RLN2: variants seen among roughly 807,000 people sequenced by gnomAD.
RLN2 encodes relaxin 2, also known as prorelaxin H2.
A neutral mutation model predicts 7.3 loss-of-function variants in RLN2; 10 were observed. The ratio of observed to expected loss-of-function variants is 1.36; its 90% CI spans 0.84 to 2.31. The LOEUF (loss-of-function observed/expected upper bound fraction) is 2.31. RLN2 is among the 30% of genes most tolerant of loss of function. The pLI is 0.00. For missense variants in RLN2, 298 were observed against 217.6 expected (o/e 1.37, Z -2.32); for synonymous variants, 103 against 82.3 (o/e 1.25, Z -1.36).
the RLN2 span, among the ~76,000 whole-genome samples, chr9:5,324,161 G>C: frequency 3.9e-5 from 6 of 152,082 alleles, no homozygotes; most frequent in African/African-American, 1.4e-4. Context: ...GGGTAGATTA[G>C]CAGTTACTAA....
At position 5,300,252 on chromosome 9, in the gene RLN2, T is replaced by C. The variant is rs1376879848; in HGVS notation, c.404A>G (p.Asn135Ser). Residue 135 changes from asparagine (N) to serine (S), a missense_variant, in exon 2 of 2, where the codon AAT becomes AGT. By Grantham distance (46) the Asn-to-Ser change is conservative. Transcript: ENST00000381627. ...LFEEFKKLIRNRQSEAADSSP... is the reference protein window; with the variant it reads ...LFEEFKKLIRSRQSEAADSSP... Reference sequence around the variant, plus strand: ...GCTGTCTGCGGCTTCACTTTGTCTATTGCGAATAAGTTTCTTAAATTCTTC... The same window carrying C: ...GCTGTCTGCGGCTTCACTTTGTCTACTGCGAATAAGTTTCTTAAATTCTTC... 1.5e-5 allele frequency: 24 copies of C among 1,613,928 alleles called. No homozygotes were observed. Among genetic ancestry groups the C allele is most frequent in the South Asian group, 2.2e-5 (2 of 91,076 alleles).
the RLN2 span, among the ~76,000 whole-genome samples, chr9:5,310,378 T>C: frequency 6.6e-6 from 1 of 151,966 alleles, no homozygotes; most frequent in Admixed American, 6.6e-5. Context: ...TTCCTCCCTG[T>C]ACCTCTCCCC....
chr9:5,321,910 T>C, the RLN2 span, among the ~76,000 whole-genome samples: 3 of 152,186 alleles, frequency 2.0e-5, no homozygotes, highest in Admixed American at 2.0e-4. Flanking sequence ...TCTCTATCTC[T>C]AGCTTTGAGG....
At chr9:5,317,661 T>C in the RLN2 span, among the ~76,000 whole-genome samples, 1 of 151,776 alleles carries the variant, frequency 6.6e-6, no homozygotes, top group Admixed American at 6.6e-5. Flanking sequence ...ATACAAACAA[T>C]GGTTCTAACA....
the RLN2 span, among the ~76,000 whole-genome samples, chr9:5,321,787 C>G: frequency 1.3e-5 from 2 of 151,920 alleles, no homozygotes; most frequent in Non-Finnish European, 2.9e-5. Context: ...AGCAGCTGTC[C>G]CAGGTGCTGC....
At chr9:5,301,136 C>G (rs1238802662) in intron 1 of RLN2, among the ~76,000 whole-genome samples, 3 of 152,210 alleles carry the variant, frequency 2.0e-5, no homozygotes, top group Non-Finnish European at 2.9e-5. Flanking sequence ...AGATTTGTAT[C>G]TGCTGTGGAG....
chr9:5,336,561 T>G, the RLN2 span, among the ~76,000 whole-genome samples: 1 of 152,090 alleles, frequency 6.6e-6, no homozygotes, highest in African/African-American at 2.4e-5. Flanking sequence ...TTAAAAGATA[T>G]AAATTTTTAA....
the RLN2 span, among the ~76,000 whole-genome samples, chr9:5,321,886 G>C: frequency 6.6e-5 from 10 of 152,212 alleles, no homozygotes; most frequent in Non-Finnish European, 1.2e-4. Context: ...TGGAGTTTGT[G>C]AGCTTGCTCC....
chr9:5,325,489 G>C, the RLN2 span, among the ~76,000 whole-genome samples: 34 of 152,022 alleles, frequency 2.2e-4, no homozygotes, highest in Non-Finnish European at 2.9e-4. Flanking sequence ...TAAAGCAATA[G>C]AGAGAACTCG....
chr9:5,326,537 G>C, the RLN2 span, among the ~76,000 whole-genome samples: 1 of 152,032 alleles, frequency 6.6e-6, no homozygotes, highest in Non-Finnish European at 1.5e-5. Flanking sequence ...GCAGTGTGGA[G>C]GGTCAGACTC....
At chr9:5,337,781 A>T in the RLN2 span, among the ~76,000 whole-genome samples, 1 of 152,048 alleles carries the variant, frequency 6.6e-6, no homozygotes, top group Admixed American at 6.6e-5. Context: ...AAAATTCTTT[A>T]AAAATACTTT....
upstream of RLN2, among the ~76,000 whole-genome samples, chr9:5,307,265 G>A (rs1472078669): frequency 1.0e-5 from 1 of 96,278 alleles, no homozygotes; most frequent in East Asian, 2.8e-4. Context: ...TAGATAGATA[G>A]ATAGAGGATA....
the RLN2 span, among the ~76,000 whole-genome samples, chr9:5,316,159 CAT>C: frequency 1.3e-5 from 2 of 151,832 alleles, no homozygotes; most frequent in Non-Finnish European, 2.9e-5. Context: ...TTAAGAAGCA[CAT>C]AATTTTTGAG....
upstream of RLN2, among the ~76,000 whole-genome samples, chr9:5,308,824 G>C (rs1015732842): frequency 1.3e-5 from 2 of 152,084 alleles, no homozygotes; most frequent in African/African-American, 4.8e-5. Context: ...TGAATAGCAA[G>C]TTTCAGCTCT....
chr9:5,335,477 T>C, the RLN2 span: 1 of 1,613,466 alleles, frequency 6.2e-7, no homozygotes, highest in Non-Finnish European at 8.5e-7. Flanking sequence ...CTGCTGTAGC[T>C]CTGGTAATGA....
At chr9:5,306,103 T>G (rs3758237), upstream of RLN2, among the ~76,000 whole-genome samples, 22,999 of 124,628 alleles carry the variant, frequency 0.18, 1,870 homozygotes, top group African/African-American at 0.27. Flanking sequence ...TTTGTTTTTG[T>G]TTTTTGTTTT....
At chr9:5,302,502 G>GATTCCTACCTA (rs1403274742) in intron 1 of RLN2, among the ~76,000 whole-genome samples, 1 of 152,124 alleles carries the variant, frequency 6.6e-6, no homozygotes, top group African/African-American at 2.4e-5. Context: ...CTTCCAAAAC[G>GATTCCTACCTA]ATTCCTACCT....
the RLN2 span, among the ~76,000 whole-genome samples, chr9:5,310,707 C>T: frequency 2.0e-5 from 3 of 152,016 alleles, no homozygotes; most frequent in Non-Finnish European, 4.4e-5. Flanking sequence ...TTTCAAATAA[C>T]ACTAACTTAC....
the RLN2 span, chr9:5,335,066 GA>G: frequency 2.0e-6 from 1 of 490,110 alleles, no homozygotes; most frequent in Admixed American, 3.8e-5. Flanking sequence ...CTTCAGCATA[GA>G]AAGTGTCATT....
Sources: allele counts gnomAD v4.1 joint callset (sites outside exome capture counted in the v4.1 genomes callset), GRCh38; gene constraint gnomAD v4.1.1; transcripts MANE v1.5; gene names NCBI Gene and HGNC (gene_info 2026-07-23, HGNC 2026-07-21).